DMD: variants seen among roughly 807,000 people sequenced by gnomAD.
DMD encodes the protein dystrophin, also known as mutant dystrophin.
A neutral mutation model predicts 330.1 loss-of-function variants in DMD; 63 were observed. The observed-to-expected ratio is 0.19, with a 90% CI of 0.16 to 0.24. The LOEUF is 0.24. DMD is among the 10% of genes least tolerant of loss of function. The pLI is 1.00. For synonymous variants in DMD, 1,223 were observed against 959.8 expected (o/e 1.27, Z -5.07); for missense variants, 3,344 against 2,684.1 (o/e 1.25, Z -5.43).
chrX:32,555,233 AT>A (rs890404400), intron 16 of DMD, among the ~76,000 whole-genome samples: 1 of 111,756 alleles, frequency 8.9e-6, no homozygotes, highest in African/African-American at 3.2e-5. Flanking sequence ...ACCAAAAGGT[AT>A]TTAATAAAAT....
intron 53 of DMD, among the ~76,000 whole-genome samples, chrX:31,671,325 C>T (rs1197991506): frequency 8.9e-6 from 1 of 112,237 alleles, no homozygotes; most frequent in African/African-American, 3.2e-5. Flanking sequence ...CGATTTTTGT[C>T]CTTTATTCTA....
At chrX:32,383,419 T>C (rs1208609684) in intron 33 of DMD, among the ~76,000 whole-genome samples, 1 of 111,604 alleles carries the variant, frequency 9.0e-6, no homozygotes, top group East Asian at 2.8e-4. Flanking sequence ...TGTAATAACA[T>C]TTCCTTTGTT....
chrX:31,319,206 T>C (rs898349357), intron 62 of DMD, among the ~76,000 whole-genome samples: 3 of 111,521 alleles, frequency 2.7e-5, no homozygotes, highest in African/African-American at 9.8e-5. Flanking sequence ...CTGGAAAAGA[T>C]CCAGGGAAAA....
At chrX:31,930,098 A>G (rs902306745) in intron 46 of DMD, among the ~76,000 whole-genome samples, 4 of 111,390 alleles carry the variant, frequency 3.6e-5, no homozygotes, top group African/African-American at 1.3e-4. Flanking sequence ...CTTGGGTATC[A>G]TAGCATGCCA....
intron 1 of DMD, among the ~76,000 whole-genome samples, chrX:33,327,603 G>GA (rs769974408): frequency 1.8e-5 from 2 of 110,242 alleles, no homozygotes; most frequent in East Asian, 2.8e-4. Context: ...TACCGTTTTG[G>GA]AAAAAAAAGA....
intron 44 of DMD, among the ~76,000 whole-genome samples, chrX:32,052,966 TG>T (rs1569537214): frequency 9.0e-6 from 1 of 111,393 alleles, no homozygotes; most frequent in Non-Finnish European, 1.9e-5. Flanking sequence ...TGAAAGACTT[TG>T]GGAAGACTTG....
chrX:33,179,675 C>A (rs1446134406), intron 1 of DMD, among the ~76,000 whole-genome samples: 4 of 100,706 alleles, frequency 4.0e-5, no homozygotes, highest in African/African-American at 1.5e-4. Context: ...GCCTGGGTGA[C>A]AGAGCGAGAC....
chrX:32,919,924 A>T (rs1334072358), intron 2 of DMD, among the ~76,000 whole-genome samples: 1 of 112,006 alleles, frequency 8.9e-6, no homozygotes, highest in Non-Finnish European at 1.9e-5. Context: ...CTCTCTGTAA[A>T]GGAAAGCCTA....
intron 1 of DMD, among the ~76,000 whole-genome samples, chrX:33,300,080 A>T (rs1027861048): frequency 1.3e-4 from 15 of 112,482 alleles, no homozygotes; most frequent in Non-Finnish European, 2.3e-4. Flanking sequence ...CAACTGTTTT[A>T]CATGCTACCT....
rs965654357 is a variant in DMD, at chrX:32,951,698, G to A, written c.93+68441C>T. Among the ~76,000 whole-genome samples the A allele has an allele frequency of 1.8e-3, 202 of 111,532 alleles. 1 individual carries two copies. Among genetic ancestry groups the A allele is most frequent in the African/African-American group, 6.0e-3 (183 of 30,730 alleles). ...ATATAATCCAAGAAAAACTGAAAGA[G>A]ACTTGAGGACTAATTTGCAATGATC... On this transcript the variant is annotated intron_variant, in intron 2 of 78. Coordinates refer to ENST00000357033, the MANE Select transcript of DMD (RefSeq NM_004006.3).
At position 32,196,414 on chromosome X, in the gene DMD, A is replaced by G. The variant is rs138842798; in HGVS notation, c.6438+20502T>C. Among the ~76,000 whole-genome samples, 858 of 112,200 alleles carry G rather than the reference A, an allele frequency of 7.6e-3. 9 individuals carry two copies. Among genetic ancestry groups the G allele is most frequent in the African/African-American group, 0.026 (802 of 30,890 alleles). On this transcript the variant is annotated intron_variant, in intron 44 of 78. Transcript: ENST00000357033. ...TTTTGCCAGCCATTTCATCACACTA[A>G]CAACATAAACCTTAAATAGTTAAAA...
At chrX:32,235,720 A>G (rs188407182) in intron 43 of DMD, among the ~76,000 whole-genome samples, 1 of 111,433 alleles carries the variant, frequency 9.0e-6, no homozygotes, top group Admixed American at 9.5e-5. Flanking sequence ...AAGGTAAATA[A>G]AAGTGGCCTT....
intron 1 of DMD, among the ~76,000 whole-genome samples, chrX:33,221,496 G>A (rs1459227434): frequency 9.0e-6 from 1 of 111,128 alleles, no homozygotes; most frequent in African/African-American, 3.3e-5. Context: ...AATAATCAAA[G>A]TTCTCATCTC....
Position 31,689,979 on chromosome X carries a change from T to C in DMD, c.7661-10393A>G, listed in dbSNP as rs181311471. Among the ~76,000 whole-genome samples the C allele has an allele frequency of 1.6e-4, 18 of 112,211 alleles. No individual in the cohort carries two copies. In the East Asian group the frequency reaches 5.0e-3, roughly 31 times the overall value. On this transcript the variant is annotated intron_variant, in intron 52 of 78. Transcript: ENST00000357033. ...TATACAAAAATTAATTCAAGATGGA[T>C]TGAAGACTTAATGTTAGACCTAAAA...
intron 7 of DMD, among the ~76,000 whole-genome samples, chrX:32,758,538 C>G (rs1305366762): frequency 9.0e-6 from 1 of 111,284 alleles, no homozygotes; most frequent in Non-Finnish European, 1.9e-5. Context: ...GGTCACAGCA[C>G]AGCACTTGAT....
At chrX:32,592,160 G>A (rs2054996626) in intron 13 of DMD, among the ~76,000 whole-genome samples, 1 of 111,437 alleles carries the variant, frequency 9.0e-6, no homozygotes, top group Non-Finnish European at 1.9e-5. Flanking sequence ...GGGCAGAAAG[G>A]AGCAGATCCA....
chrX:32,459,679 G>A (rs2223506), intron 25 of DMD, among the ~76,000 whole-genome samples: 1 of 110,916 alleles, frequency 9.0e-6, no homozygotes, highest in Admixed American at 9.6e-5. Flanking sequence ...GCTCATAACA[G>A]AAATATATCT....
At chrX:33,099,946 T>C (rs1208323933) in intron 1 of DMD, among the ~76,000 whole-genome samples, 1 of 111,906 alleles carries the variant, frequency 8.9e-6, no homozygotes, top group African/African-American at 3.2e-5. Flanking sequence ...AGAGTGTTAA[T>C]TGCAATGATA....
At chrX:31,473,317 G>A (rs12687557) in intron 59 of DMD, among the ~76,000 whole-genome samples, 11,449 of 105,784 alleles carry the variant, frequency 0.11, 925 homozygotes, top group African/African-American at 0.27. Flanking sequence ...GCAGTGAGCC[G>A]AGACAGCACC....
Sources: gnomAD v4.1 joint callset for allele counts (sites outside exome capture counted in the v4.1 genomes callset) on GRCh38, gnomAD v4.1.1 for gene constraint, MANE v1.5 for transcripts, NCBI Gene and HGNC (gene_info 2026-07-23, HGNC 2026-07-21) for gene names.